Variants in CTNNA2 observed in about 807,000 individuals in gnomAD.
CTNNA2 encodes catenin alpha 2.
CTNNA2 carries 42 observed loss-of-function variants against 101.0 expected under a neutral mutation model. The observed-to-expected ratio is 0.42, with a 90% CI of 0.32 to 0.54. The LOEUF (loss-of-function observed/expected upper bound fraction) is 0.54, where lower values mean the gene tolerates loss of function less well. Among genes scored for constraint, CTNNA2 ranks in the 20% least tolerant of loss-of-function variants. CTNNA2 has a pLI of 0.14. For synonymous variants in CTNNA2, 450 were observed against 456.4 expected (o/e 0.99, Z 0.18); for missense variants, 871 against 1,223.1 (o/e 0.71, Z 4.29).
intron 9 of CTNNA2, among the ~76,000 whole-genome samples, chr2:80,524,495 A>G (rs1290566273): frequency 6.6e-6 from 1 of 152,114 alleles, no homozygotes; most frequent in African/African-American, 2.4e-5. Context: ...CCTACAGGTG[A>G]AAGTTGTTAT....
rs146550190 is a variant in CTNNA2 at position 80,479,310 on chromosome 2, C to G, written c.1290+59709C>G. Among the ~76,000 whole-genome samples the G allele has an allele frequency of 8.1e-3, 1,231 of 152,174 alleles. 12 individuals carry two copies. Among genetic ancestry groups the G allele is most frequent in the Non-Finnish European group, 0.014 (936 of 68,006 alleles). ...TGGCAACGTTCTGAGACATTTTTGGCTGCCGGACATGGTGATGAAAAGGAA... is the reference window on the plus strand; with the variant it reads ...TGGCAACGTTCTGAGACATTTTTGGGTGCCGGACATGGTGATGAAAAGGAA... On this transcript the variant is annotated intron_variant, in intron 9 of 18. Coordinates refer to ENST00000402739, the MANE Select transcript of CTNNA2 (RefSeq NM_001282597.3).
At chr2:79,679,693 T>C (rs1046494529) in intron 2 of CTNNA2, among the ~76,000 whole-genome samples, 1 of 152,128 alleles carries the variant, frequency 6.6e-6, no homozygotes, top group Non-Finnish European at 1.5e-5. Context: ...GTATTTTAAC[T>C]CTTTCAATGT....
At chr2:79,982,204 A>ATATATG (rs1691334387) in intron 7 of CTNNA2, among the ~76,000 whole-genome samples, 1 of 26,942 alleles carries the variant, frequency 3.7e-5, no homozygotes, top group African/African-American at 1.3e-4. Context: ...ATATATATAT[A>ATATATG]TATATATATA....
chr2:79,370,316 AGAAGT>A (rs1677840968), intron 3 of CTNNA2, among the ~76,000 whole-genome samples: 1 of 152,206 alleles, frequency 6.6e-6, no homozygotes, highest in South Asian at 2.1e-4. Context: ...TGAAGCCCAA[AGAAGT>A]GAAGTTTCCT....
At chr2:79,883,493 A>T (rs950120488) in intron 6 of CTNNA2, among the ~76,000 whole-genome samples, 1 of 152,314 alleles carries the variant, frequency 6.6e-6, no homozygotes, top group East Asian at 1.9e-4. Context: ...TTGATAATCA[A>T]TGGAAAACTC....
chr2:80,196,348 T>C (rs1706832192), intron 7 of CTNNA2, among the ~76,000 whole-genome samples: 1 of 152,158 alleles, frequency 6.6e-6, no homozygotes, highest in Non-Finnish European at 1.5e-5. Flanking sequence ...TCATTTCAGC[T>C]TTGGCAAACA....
chr2:80,460,218 A>G (rs1386025685), intron 9 of CTNNA2, among the ~76,000 whole-genome samples: 1 of 152,030 alleles, frequency 6.6e-6, no homozygotes, highest in Non-Finnish European at 1.5e-5. Context: ...CTCTCAATCC[A>G]TAGCCTTTCT....
At chr2:79,963,667 C>A (rs547839925) in intron 7 of CTNNA2, among the ~76,000 whole-genome samples, 2 of 152,138 alleles carry the variant, frequency 1.3e-5, no homozygotes, top group African/African-American at 4.8e-5. Context: ...ACAGGGTACA[C>A]GTCACACCTG....
chr2:79,710,790 A>G (rs985737876), intron 2 of CTNNA2, among the ~76,000 whole-genome samples: 1 of 152,136 alleles, frequency 6.6e-6, no homozygotes, highest in Non-Finnish European at 1.5e-5. Flanking sequence ...ATTCCTGCTT[A>G]GTGATATAAA....
intron 1 of CTNNA2, among the ~76,000 whole-genome samples, chr2:79,521,195 T>A (rs1672105849): frequency 7.0e-6 from 1 of 142,646 alleles, no homozygotes; most frequent in African/African-American, 2.6e-5. Context: ...ATTTAATATA[T>A]GTTACCTGGC....
intron 7 of CTNNA2, among the ~76,000 whole-genome samples, chr2:80,144,235 C>T (rs935511821): frequency 7.2e-5 from 11 of 152,114 alleles, no homozygotes; most frequent in Admixed American, 2.6e-4. Flanking sequence ...GAAAATTTTA[C>T]GTCCTAAGCA....
At chr2:79,826,437 A>G (rs1209814830) in intron 3 of CTNNA2, among the ~76,000 whole-genome samples, 1 of 152,218 alleles carries the variant, frequency 6.6e-6, no homozygotes, top group Non-Finnish European at 1.5e-5. Context: ...TAGTTCCACA[A>G]TTTTAGTAAT....
chr2:79,615,517 A>G (rs2104239556), intron 1 of CTNNA2, among the ~76,000 whole-genome samples: 1 of 152,352 alleles, frequency 6.6e-6, no homozygotes, highest in Non-Finnish European at 1.5e-5. Context: ...TAATAAAAAT[A>G]CAGTACCTTT....
intron 2 of CTNNA2, among the ~76,000 whole-genome samples, chr2:79,248,392 CTATA>C (rs916657086): frequency 1.3e-5 from 2 of 151,258 alleles, no homozygotes; most frequent in African/African-American, 2.4e-5. Flanking sequence ...AGTATAATTT[CTATA>C]TATAATATAA....
At chr2:80,605,683 C>CA (rs1481240937) in intron 16 of CTNNA2, 1 of 151,910 alleles carries the variant, frequency 6.6e-6, no homozygotes, top group Non-Finnish European at 1.5e-5. Context: ...AAAAACAAAA[C>CA]AAACAAAACC....
intron 7 of CTNNA2, among the ~76,000 whole-genome samples, chr2:80,082,318 G>A (rs1699201275): frequency 6.6e-6 from 1 of 152,118 alleles, no homozygotes; most frequent in Non-Finnish European, 1.5e-5. Flanking sequence ...GTCAGTATTG[G>A]CTTCTCTGAT....
At chr2:80,192,194 T>C (rs974241048) in intron 7 of CTNNA2, among the ~76,000 whole-genome samples, 1 of 152,150 alleles carries the variant, frequency 6.6e-6, no homozygotes, top group Non-Finnish European at 1.5e-5. Flanking sequence ...ATAAGGAAAA[T>C]TATTTATTTT....
intron 7 of CTNNA2, among the ~76,000 whole-genome samples, chr2:80,233,639 T>C (rs951396221): frequency 3.3e-5 from 5 of 152,230 alleles, no homozygotes; most frequent in Admixed American, 2.0e-4. Flanking sequence ...GAGGTAATGC[T>C]ATCATATTTT....
chr2:80,443,867 T>G (rs768886938), intron 9 of CTNNA2, among the ~76,000 whole-genome samples: 14 of 152,210 alleles, frequency 9.2e-5, no homozygotes, highest in Non-Finnish European at 1.9e-4. Flanking sequence ...ACCAGACTTG[T>G]GTTATATATT....
Sources: gnomAD v4.1 joint callset for allele counts (sites outside exome capture counted in the v4.1 genomes callset) on GRCh38, gnomAD v4.1.1 for gene constraint, MANE v1.5 for transcripts, NCBI Gene and HGNC (gene_info 2026-07-23, HGNC 2026-07-21) for gene names.